The following FABP7 variants were observed in gnomAD, a reference collection of about 807,000 sequenced individuals.
FABP7 encodes the protein fatty acid-binding protein, brain.
In FABP7, 13 loss-of-function variants were observed where a neutral mutation model predicts 14.2. The ratio of observed to expected loss-of-function variants is 0.91; its 90% confidence interval spans 0.59 to 1.45. FABP7 has a LOEUF of 1.45. Ranked by LOEUF, FABP7 falls within the 40% of genes most tolerant of loss-of-function variation. The pLI, the probability that FABP7 is intolerant of heterozygous loss-of-function variation, is 0.00. For missense variants in FABP7, 149 were observed against 157.6 expected (o/e 0.95, Z 0.29); for synonymous variants, 49 against 51.4 (o/e 0.95, Z 0.20).
the FABP7 span, among the ~76,000 whole-genome samples, chr6:122,761,314 C>A: frequency 6.6e-6 from 1 of 152,074 alleles, no homozygotes; most frequent in Non-Finnish European, 1.5e-5. Context: ...GGACATTAGA[C>A]AAAGAAGAAA....
At chr6:122,762,530 G>A in the FABP7 span, among the ~76,000 whole-genome samples, 32 of 152,308 alleles carry the variant, frequency 2.1e-4, no homozygotes, top group African/African-American at 7.7e-4. Context: ...CGTGTTGGAA[G>A]TTCTTGCCAG....
chr6:122,777,679 C>T (rs1780697917), upstream of FABP7, among the ~76,000 whole-genome samples: 1 of 151,936 alleles, frequency 6.6e-6, no homozygotes, highest in Non-Finnish European at 1.5e-5. Flanking sequence ...AAGACCTTGA[C>T]TCTACTAAAA....
rs1780766746 is a variant in FABP7, at chr6:122,780,984, G to T, written c.247-109G>T. On this transcript the variant is annotated intron_variant, in intron 2 of 3. Coordinates refer to ENST00000368444, the MANE Select transcript of FABP7 (RefSeq NM_001446.5). ...AGAAATAACAATAGGATAATTAACT[G>T]ATCATGATTTATTCAATTATACAAC... 5 of 1,285,532 alleles carry T rather than the reference G, an allele frequency of 3.9e-6. No homozygotes were observed. The East Asian group carries it at 1.3e-4, about 33-fold the overall frequency. The allele number at this position is 1,285,532 out of a possible 1,614,324, so 79.6% of individuals were successfully genotyped here.
chr6:122,774,847 G>A (rs533938851), upstream of FABP7, among the ~76,000 whole-genome samples: 75 of 149,274 alleles, frequency 5.0e-4, 1 homozygote, highest in South Asian at 0.011. Flanking sequence ...AAAATCAGTA[G>A]CATTTCTATA....
upstream of FABP7, among the ~76,000 whole-genome samples, chr6:122,776,464 AAATC>A (rs1186081748): frequency 6.6e-6 from 1 of 152,148 alleles, no homozygotes; most frequent in Admixed American, 6.6e-5. Flanking sequence ...GAGCCAAAAA[AAATC>A]AATCTCATGA....
chr6:122,779,246 C>T (rs903740985), upstream of FABP7, among the ~76,000 whole-genome samples: 1 of 152,216 alleles, frequency 6.6e-6, no homozygotes, highest in African/African-American at 2.4e-5. Context: ...ACACTATTCA[C>T]TCTCCTTTGT....
At chr6:122,752,496 C>T in the FABP7 span, among the ~76,000 whole-genome samples, 1 of 152,174 alleles carries the variant, frequency 6.6e-6, no homozygotes, top group Non-Finnish European at 1.5e-5. Context: ...TAAATGTTGG[C>T]CTAAGCCATT....
At chr6:122,781,298 C>T (rs1215461287) in intron 3 of FABP7, 104 bp downstream of exon 3, 12 of 1,554,634 alleles carry the variant, frequency 7.7e-6, no homozygotes, top group Non-Finnish European at 9.6e-6. Flanking sequence ...TTCCTCCTTC[C>T]TTCCTTCTTT....
chr6:122,761,382 G>T, the FABP7 span, among the ~76,000 whole-genome samples: 1 of 152,148 alleles, frequency 6.6e-6, no homozygotes, highest in Non-Finnish European at 1.5e-5. Flanking sequence ...ATATGCTAAA[G>T]AAGTTAGGTT....
chr6:122,783,762 G>T lies in FABP7; in HGVS notation c.394G>T (p.Ala132Ser). The stretch of plus-strand genomic sequence containing the variant: ...GGTTGCTGTTCGCCACTATGAGAAG[G>T]CATAAAAATGTTCCTGGTCGGGGCT... ...DVVAVRHYEKA is the reference protein window; with the variant it reads ...DVVAVRHYEKS Residue 132 changes from alanine (A) to serine (S), a missense_variant, in exon 4 of 4, where the codon GCA (alanine) becomes TCA (serine). Coordinates refer to ENST00000368444, the MANE Select transcript of FABP7 (RefSeq NM_001446.5). The T allele has an allele frequency of 6.2e-7, 1 of 1,608,964 alleles. No individual in the cohort carries two copies. Among genetic ancestry groups the T allele is most frequent in the Non-Finnish European group, 8.5e-7 (1 of 1,178,228 alleles).
upstream of FABP7, among the ~76,000 whole-genome samples, chr6:122,777,783 C>T (rs1279682241): frequency 1.3e-5 from 2 of 151,816 alleles, no homozygotes; most frequent in Non-Finnish European, 2.9e-5. Flanking sequence ...GTGGAGGTTG[C>T]AGTGGGCTGA....
At chr6:122,778,926 A>G (rs7774271), upstream of FABP7, among the ~76,000 whole-genome samples, 144,383 of 152,276 alleles carry the variant, frequency 0.95, 68,874 homozygotes, top group East Asian at 1. Flanking sequence ...ATTCAAGGAG[A>G]TCGGGGGGAA....
rs904253892 is a variant in FABP7 at position 122,783,986 on chromosome 6, C to A, written c.*219C>A. 8.1e-6 allele frequency: 3 copies of A among 370,268 alleles called. No individual in the cohort carries two copies. Among genetic ancestry groups the A allele is most frequent in the Non-Finnish European group, 1.4e-5 (3 of 213,032 alleles). The allele number at this position is 370,268 out of a possible 1,614,324, so 22.9% of individuals were successfully genotyped here. ...TAATTTGAATTAAAGTTTTGTCCCC[C>A]CCCCCCTTTTTTTTATAAACAAGTG... On this transcript the variant is annotated 3_prime_UTR_variant, in exon 4 of 4. Coordinates refer to ENST00000368444, the MANE Select transcript of FABP7 (RefSeq NM_001446.5).
the FABP7 span, among the ~76,000 whole-genome samples, chr6:122,773,797 A>G: frequency 4.6e-5 from 7 of 152,190 alleles, no homozygotes; most frequent in East Asian, 1.3e-3. Flanking sequence ...ATTGTTGTAA[A>G]GCAAGGCCAG....
chr6:122,754,944 A>G, the FABP7 span, among the ~76,000 whole-genome samples: 1 of 151,698 alleles, frequency 6.6e-6, no homozygotes, highest in African/African-American at 2.4e-5. Flanking sequence ...TCTACTGGTT[A>G]TTTCCCAGGT....
chr6:122,752,583 G>A, the FABP7 span, among the ~76,000 whole-genome samples: 2 of 152,182 alleles, frequency 1.3e-5, no homozygotes, highest in African/African-American at 4.8e-5. Flanking sequence ...AAGCTCTGAG[G>A]AAACTTCTTG....
intron 1 of FABP7, 37 bp downstream of exon 1, chr6:122,779,904 G>C: frequency 1.3e-6 from 2 of 1,589,816 alleles, no homozygotes; most frequent in East Asian, 2.2e-5. Context: ...TCTTCTCAAC[G>C]TGCAGCTTTA....
rs944281884 is a variant in FABP7, at chr6:122,783,942, G to A, written c.*175G>A. 4 of 435,246 alleles carry A rather than the reference G, an allele frequency of 9.2e-6. No homozygotes were observed. Among genetic ancestry groups the A allele is most frequent in the Non-Finnish European group, 1.6e-5 (4 of 246,940 alleles). 27.0% of individuals were successfully genotyped at this position (435,246 alleles called of 1,614,324 possible). On this transcript the variant is annotated 3_prime_UTR_variant, in exon 4 of 4. Coordinates refer to ENST00000368444, the MANE Select transcript of FABP7 (RefSeq NM_001446.5). ...CAAGCAACTTGCCCAATTTTAATCT[G>A]AAAATTTATCATGTTTTATAATTTG...
chr6:122,771,445 A>G, the FABP7 span, among the ~76,000 whole-genome samples: 1 of 152,188 alleles, frequency 6.6e-6, no homozygotes, highest in Non-Finnish European at 1.5e-5. Context: ...AGAGATCAGT[A>G]AACAAAAAAG....
Sources: gnomAD v4.1 joint callset for allele counts (sites outside exome capture counted in the v4.1 genomes callset) on GRCh38, gnomAD v4.1.1 for gene constraint, MANE v1.5 for transcripts, NCBI Gene and HGNC (gene_info 2026-07-23, HGNC 2026-07-21) for gene names.